The following IFIH1 variants were observed in gnomAD, a reference collection of about 807,000 sequenced individuals.
IFIH1 encodes interferon-induced helicase C domain-containing protein 1.
A neutral mutation model predicts 107.4 loss-of-function variants in IFIH1; 125 were observed. The ratio of observed to expected loss-of-function variants is 1.16; its 90% CI spans 1.01 to 1.35. The LOEUF is 1.35. Ranked by LOEUF, IFIH1 falls within the 40% of genes most tolerant of loss-of-function variation. The pLI, the probability that IFIH1 is intolerant of heterozygous loss-of-function variation, is 0.00. For missense variants in IFIH1, 1,333 were observed against 1,213.7 expected, an observed-to-expected ratio of 1.10 and a Z score of -1.46; for synonymous variants, 458 against 413.2, an observed-to-expected ratio of 1.11 and a Z score of -1.31.
chr2:162,273,185 T>A (rs1691079399), intron 12 of IFIH1, among the ~76,000 whole-genome samples: 1 of 152,188 alleles, frequency 6.6e-6, no homozygotes, highest in Admixed American at 6.5e-5. Context: ...TTAATCAGCA[T>A]AACACCTATG....
chr2:162,318,496 G>A lies in IFIH1; in HGVS notation c.-189C>T. 2 of 407,646 alleles carry A rather than the reference G, an allele frequency of 4.9e-6. No individual in the cohort carries two copies. Among genetic ancestry groups the A allele is most frequent in the Non-Finnish European group, 4.2e-6 (1 of 236,184 alleles). The allele number at this position is 407,646 out of a possible 1,614,324, so 25.3% of individuals were successfully genotyped here. On this transcript the variant is annotated 5_prime_UTR_variant, in exon 1 of 16. Coordinates refer to ENST00000649979, the MANE Select transcript of IFIH1 (RefSeq NM_022168.4). ...CGCGCGGGGCTGCACTCGCACCTGGGCAGGTGGGCAGGCGGGCAGGTGGGC... is the reference window on the plus strand; with the variant it reads ...CGCGCGGGGCTGCACTCGCACCTGGACAGGTGGGCAGGCGGGCAGGTGGGC...
intron 11 of IFIH1, 91 bp downstream of exon 11, chr2:162,276,596 C>A (rs76054377): frequency 7.9e-6 from 11 of 1,390,202 alleles, no homozygotes; most frequent in East Asian, 2.3e-5. Flanking sequence ...CAGAGCGAGG[C>A]CTCGTCTGAA....
Position 162,310,775 on chromosome 2 carries a change from T to C in IFIH1, c.612A>G (p.Glu204=), listed in dbSNP as rs1294585764. The change falls in exon 2 of 16, where the codon GAA becomes GAG. Residue 204 remains glutamate (E), a synonymous_variant. Transcript: ENST00000649979. ...VQELTGSDCS[E]SNAEIENLSQ... ...TAAAATTACAAATACCTGCATTGCT[T>C]TCTGAGCAATCAGAGCCTGTTAACT... 1 of 1,613,432 alleles carries C rather than the reference T, an allele frequency of 6.2e-7. No individual in the cohort carries two copies. The highest frequency in any genetic ancestry group is 8.5e-7 in the Non-Finnish European group (1 of 1,179,520).
At position 162,274,317 on chromosome 2, in the gene IFIH1, T is replaced by C. The variant is rs543656608; in HGVS notation, c.2305-373A>G. Among the ~76,000 whole-genome samples the C allele has an allele frequency of 7.2e-5, 11 of 152,292 alleles. No homozygotes were observed. The South Asian group carries it at 2.3e-3, about 32-fold the overall frequency. ...GCTTTTTTCCCCCACTACATTAACT[T>C]CAGAATCTTTGCTATTTAGAGGATA... On this transcript the variant is annotated intron_variant, in intron 11 of 15. Transcript: ENST00000649979.
intron 4 of IFIH1, among the ~76,000 whole-genome samples, chr2:162,289,527 T>C (rs1283293040): frequency 6.6e-6 from 1 of 151,896 alleles, no homozygotes; most frequent in East Asian, 1.9e-4. Context: ...ACACATGAAA[T>C]AACTTCTTTT....
At chr2:162,304,287 C>T (rs1441686683) in intron 3 of IFIH1, among the ~76,000 whole-genome samples, 1 of 152,074 alleles carries the variant, frequency 6.6e-6, no homozygotes, top group Non-Finnish European at 1.5e-5. Context: ...ATGGTGAAAC[C>T]CCATTCTCTA....
intron 14 of IFIH1, 117 bp from the exon 15 acceptor site, chr2:162,267,686 C>G: frequency 1.4e-6 from 1 of 737,366 alleles, no homozygotes; most frequent in Admixed American, 2.3e-5. Flanking sequence ...ACACGGCATT[C>G]CTTCCTTCCC....
chr2:162,292,283 G>C (rs1683008430), intron 4 of IFIH1, among the ~76,000 whole-genome samples: 1 of 151,810 alleles, frequency 6.6e-6, no homozygotes, highest in Non-Finnish European at 1.5e-5. Flanking sequence ...ACAATTTTAT[G>C]ACAAGGATAG....
chr2:162,276,483 G>A (rs1691156842), intron 11 of IFIH1, among the ~76,000 whole-genome samples: 1 of 151,976 alleles, frequency 6.6e-6, no homozygotes. Context: ...TGCACACCTA[G>A]AGTCCCAGCT....
intron 11 of IFIH1, 34 bp from the exon 12 acceptor site, chr2:162,273,978 A>G (rs1691097881): frequency 7.1e-7 from 1 of 1,413,654 alleles, no homozygotes. Context: ...AAATTTTGTG[A>G]TGCTAAACAC....
At chr2:162,298,512 C>T (rs1576233716) in intron 3 of IFIH1, among the ~76,000 whole-genome samples, 1 of 152,032 alleles carries the variant, frequency 6.6e-6, no homozygotes, top group African/African-American at 2.4e-5. Context: ...CCTTGTGATG[C>T]ATTTTAGCTT....
intron 4 of IFIH1, 48 bp from the exon 5 acceptor site, chr2:162,288,403 A>C: frequency 1.4e-6 from 2 of 1,426,952 alleles, no homozygotes; most frequent in East Asian, 4.6e-5. Flanking sequence ...ACAAAATAAC[A>C]GAGCTTAGGA....
chr2:162,280,360 A>G (rs1682784072), intron 7 of IFIH1, among the ~76,000 whole-genome samples: 1 of 152,086 alleles, frequency 6.6e-6, no homozygotes, highest in Non-Finnish European at 1.5e-5. Context: ...GAGCTTCTAA[A>G]TCAAGTTGGT....
intron 9 of IFIH1, 137 bp from the exon 10 acceptor site, chr2:162,277,830 A>G: frequency 1.9e-6 from 2 of 1,052,600 alleles, no homozygotes; most frequent in Non-Finnish European, 2.7e-6. Flanking sequence ...AAGGCTCAAA[A>G]TGTGTCCTGA....
intron 8 of IFIH1, among the ~76,000 whole-genome samples, chr2:162,279,561 C>A (rs181434805): frequency 3.7e-3 from 556 of 152,060 alleles, no homozygotes; most frequent in African/African-American, 0.013. Context: ...AGTAAATATG[C>A]AAGTATGCAA....
intron 8 of IFIH1, among the ~76,000 whole-genome samples, chr2:162,279,609 T>G (rs1211356192): frequency 6.6e-6 from 1 of 152,064 alleles, no homozygotes; most frequent in African/African-American, 2.4e-5. Flanking sequence ...CAAATGTAAT[T>G]TGATAGCAAC....
intron 4 of IFIH1, among the ~76,000 whole-genome samples, chr2:162,288,917 GCACA>G (rs3051152): frequency 0.016 from 2,230 of 135,378 alleles, 27 homozygotes; most frequent in East Asian, 0.053. Context: ...ATACCAAAAA[GCACA>G]CACACACACA....
At chr2:162,275,569 T>G (rs1178368579) in intron 11 of IFIH1, among the ~76,000 whole-genome samples, 1 of 152,174 alleles carries the variant, frequency 6.6e-6, no homozygotes, top group Non-Finnish European at 1.5e-5. Flanking sequence ...CAGGAGTGCA[T>G]GTAGAGGGTA....
chr2:162,298,790 G>GCACACA lies in IFIH1; in HGVS notation c.770-5128_770-5123dup, dbSNP rs144124365. Reference sequence around the variant, plus strand: ...TCTACACACACACGCACGCGCGCGCGCACACACACACACACACACACTCAC... The same window carrying GCACACA: ...TCTACACACACACGCACGCGCGCGCGCACACACACACACACACACACACACACTCAC... On this transcript the variant is annotated intron_variant, in intron 3 of 15. Transcript: ENST00000649979. Among the ~76,000 whole-genome samples the GCACACA allele has an allele frequency of 4.0e-5, 6 of 149,296 alleles. No homozygotes were observed. In the East Asian group the frequency reaches 1.2e-3, roughly 30 times the overall value.
Sources: allele counts gnomAD v4.1 joint callset (sites outside exome capture counted in the v4.1 genomes callset), GRCh38; gene constraint gnomAD v4.1.1; transcripts MANE v1.5; gene names NCBI Gene and HGNC (gene_info 2026-07-23, HGNC 2026-07-21).